ASH2L: variants seen among roughly 807,000 people sequenced by gnomAD.
ASH2L encodes the protein set1/Ash2 histone methyltransferase complex subunit ASH2.
In ASH2L, 30 loss-of-function variants were observed where a neutral mutation model predicts 81.1. The observed-to-expected ratio is 0.37, with a 90% CI of 0.28 to 0.50. The LOEUF (loss-of-function observed/expected upper bound fraction) is 0.50, where lower values mean the gene tolerates loss of function less well. Among genes scored for constraint, ASH2L ranks in the 20% least tolerant of loss-of-function variants. ASH2L has a pLI of 0.95. For synonymous variants in ASH2L, 273 were observed against 279.9 expected (o/e 0.98, Z 0.24); for missense variants, 559 against 792.1 (o/e 0.71, Z 3.53).
chr8:38,138,264 A>T (rs1802347949), intron 14 of ASH2L: 1 of 153,780 alleles, frequency 6.5e-6, no homozygotes, highest in Non-Finnish European at 1.4e-5. Flanking sequence ...TGGACAACAG[A>T]GTCAGAGCCT....
Position 38,133,461 on chromosome 8 carries a change from TA to T in ASH2L, c.1539del (p.Lys513AsnfsTer21). 2.5e-6 allele frequency: 4 copies of T among 1,604,418 alleles called. No individual in the cohort carries two copies. The highest frequency in any genetic ancestry group is 3.4e-6 in the Non-Finnish European group (4 of 1,178,450). Reference sequence around the variant, plus strand: ...TCTTTCTTGGTTTTCAAGGCTTTGATAAAATTCAAGAGTTATTTGTATTTTG... The same window carrying T: ...TCTTTCTTGGTTTTCAAGGCTTTGATAAATTCAAGAGTTATTTGTATTTTG... ...LPDTYKDKAL[I>X]KFKSYLYFEE... On this transcript the variant is annotated frameshift_variant, in exon 13 of 16. Transcript: ENST00000343823. LOFTEE classifies it high-confidence loss of function.
At position 38,139,553 on chromosome 8, in the gene ASH2L, T is replaced by C. The variant is rs865955204; in HGVS notation, c.*482T>C. Reference sequence around the variant, plus strand: ...CAATCTAAACGCTATTTCCTTTTGGTGTGGGTTTGGTTTTGTTCATTTTGA... The same window carrying C: ...CAATCTAAACGCTATTTCCTTTTGGCGTGGGTTTGGTTTTGTTCATTTTGA... On this transcript the variant is annotated 3_prime_UTR_variant, in exon 16 of 16. Transcript: ENST00000343823. 1 of 152,994 alleles carries C rather than the reference T, an allele frequency of 6.5e-6. No individual in the cohort carries two copies. Among genetic ancestry groups the C allele is most frequent in the Non-Finnish European group, 1.5e-5 (1 of 68,350 alleles). The allele number at this position is 152,994 out of a possible 1,614,324, so 9.5% of individuals were successfully genotyped here. A position where few individuals can be genotyped will look rare whatever the true frequency, so the allele number is the denominator to read the frequency against.
chr8:38,128,782 A>G lies in ASH2L; in HGVS notation c.1358A>G (p.Tyr453Cys). Residue 453 changes from tyrosine (Y) to cysteine (C), a missense_variant, in exon 12 of 16, where the codon TAT (tyrosine) becomes TGT (cysteine). Transcript: ENST00000343823. ...PLGNLQAPLGYDKFSYSWRSK... is the reference protein window; with the variant it reads ...PLGNLQAPLGCDKFSYSWRSK... ...GGAAACCTTCAAGCTCCTTTAGGTTATGATAAATTTAGCTATTCTTGGCGG... is the reference window on the plus strand; with the variant it reads ...GGAAACCTTCAAGCTCCTTTAGGTTGTGATAAATTTAGCTATTCTTGGCGG... 1 of 1,613,904 alleles carries G rather than the reference A, an allele frequency of 6.2e-7. No homozygotes were observed. The highest frequency in any genetic ancestry group is 8.5e-7 in the Non-Finnish European group (1 of 1,179,962).
At chr8:38,134,119 G>A (rs1455285453) in intron 13 of ASH2L, among the ~76,000 whole-genome samples, 1 of 152,142 alleles carries the variant, frequency 6.6e-6, no homozygotes, top group Non-Finnish European at 1.5e-5. Context: ...GATGCTTGAA[G>A]GCAGCATGCT....
At position 38,114,313 on chromosome 8, in the gene ASH2L, T is replaced by A. The variant is rs748895376; in HGVS notation, c.681+26T>A. 7 of 1,396,652 alleles carry A rather than the reference T, an allele frequency of 5.0e-6. No homozygotes were observed. The South Asian group carries it at 8.7e-5, about 17-fold the overall frequency. The allele number at this position is 1,396,652 out of a possible 1,614,324, so 86.5% of individuals were successfully genotyped here. A position where few individuals can be genotyped will look rare whatever the true frequency, so the allele number is the denominator to read the frequency against. On this transcript the variant is annotated intron_variant, in intron 6 of 15. Coordinates refer to ENST00000343823, the MANE Select transcript of ASH2L (RefSeq NM_004674.5). ...GTAAGTAGATTAAAATTGATTAGAC[T>A]TGACATTTAAAAAACCATTGTTTTT...
At chr8:38,107,597 A>G (rs760198338) in intron 3 of ASH2L, among the ~76,000 whole-genome samples, 2 of 151,706 alleles carry the variant, frequency 1.3e-5, no homozygotes, top group Non-Finnish European at 2.9e-5. Context: ...ATTGCTGCTG[A>G]CTCACTCCTT....
At chr8:38,131,626 A>G (rs957684042) in intron 12 of ASH2L, among the ~76,000 whole-genome samples, 1 of 152,206 alleles carries the variant, frequency 6.6e-6, no homozygotes, top group Non-Finnish European at 1.5e-5. Flanking sequence ...AGACTGGGCG[A>G]CAGAGAGCAA....
chr8:38,118,773 G>A (rs1811012820), intron 8 of ASH2L, among the ~76,000 whole-genome samples: 1 of 152,218 alleles, frequency 6.6e-6, no homozygotes, highest in Non-Finnish European at 1.5e-5. Flanking sequence ...CAATGCTTTA[G>A]CAGATACTGT....
chr8:38,107,383 G>A lies in ASH2L; in HGVS notation c.401+217G>A, dbSNP rs535820418. Among the ~76,000 whole-genome samples, 16 of 152,192 alleles carry A rather than the reference G, an allele frequency of 1.1e-4. No individual in the cohort carries two copies. The South Asian group carries it at 3.3e-3, about 32-fold the overall frequency. On this transcript the variant is annotated intron_variant, in intron 3 of 15. Coordinates refer to ENST00000343823, the MANE Select transcript of ASH2L (RefSeq NM_004674.5). ...TCTGGTAGATACAATGGTGGGTATT[G>A]CCCCTCCTTTTGAGTTGACAACCTG...
Position 38,107,069 on chromosome 8 carries a change from G to C in ASH2L, c.304G>C (p.Val102Leu). ...SEVMDTQAGSVDEENGRQLGE... is the reference protein window; with the variant it reads ...SEVMDTQAGSLDEENGRQLGE... ...GGTGATGGATACTCAGGCGGGCTCC[G>C]TGGATGAAGAGAATGGCCGACAGTT... The change falls in exon 3 of 16, where the codon GTG (valine) becomes CTG (leucine). Residue 102 changes from valine to leucine, a missense_variant. Val to Leu is a conservative substitution (Grantham distance 32). Around this residue, in one of 4 missense-constraint regions of ASH2L, gnomAD observed 318 missense variants for 527.0 expected, o/e 0.60. Coordinates refer to ENST00000343823, the MANE Select transcript of ASH2L (RefSeq NM_004674.5). 1.2e-6 allele frequency: 2 copies of C among 1,614,122 alleles called. No individual in the cohort carries two copies. The highest frequency in any genetic ancestry group is 1.3e-5 in the African/African-American group (1 of 75,056).
intron 14 of ASH2L, chr8:38,138,186 G>A (rs1442505186): frequency 6.6e-6 from 1 of 152,218 alleles, no homozygotes; most frequent in African/African-American, 2.4e-5. Flanking sequence ...AAGCTGAGGT[G>A]GGAGGATCCC....
At chr8:38,106,984 A>G (rs746116048) in intron 2 of ASH2L, 37 bp from the exon 3 acceptor site, 1 of 1,611,578 alleles carries the variant, frequency 6.2e-7, no homozygotes, top group South Asian at 1.1e-5. Context: ...AATACATTCA[A>G]GTCAACTGAT....
chr8:38,134,228 G>A (rs913120215), intron 13 of ASH2L, among the ~76,000 whole-genome samples: 1 of 151,456 alleles, frequency 6.6e-6, no homozygotes, highest in African/African-American at 2.4e-5. Flanking sequence ...AGAGACCTTT[G>A]TTCACTTGTT....
chr8:38,132,552 A>G (rs1273757973), intron 12 of ASH2L, among the ~76,000 whole-genome samples: 1 of 152,168 alleles, frequency 6.6e-6, no homozygotes, highest in Non-Finnish European at 1.5e-5. Flanking sequence ...TAATCCCAGC[A>G]CTTTGGGAGG....
At chr8:38,126,216 CAAAAG>C (rs1041694793) in intron 10 of ASH2L, among the ~76,000 whole-genome samples, 2 of 148,662 alleles carry the variant, frequency 1.3e-5, no homozygotes, top group African/African-American at 4.9e-5. Flanking sequence ...AAAAAAAAAA[CAAAAG>C]AAAACACCAG....
chr8:38,121,878 T>C (rs1801644033), intron 10 of ASH2L, among the ~76,000 whole-genome samples: 1 of 152,208 alleles, frequency 6.6e-6, no homozygotes, highest in Non-Finnish European at 1.5e-5. Context: ...CTTTCTCCAC[T>C]GTAAAAAACT....
chr8:38,128,286 C>T lies in ASH2L; in HGVS notation c.1166-5C>T, dbSNP rs189575284. 5.7e-3 allele frequency: 9,215 copies of T among 1,614,002 alleles called. 34 individuals carry two copies. Among genetic ancestry groups the T allele is most frequent in the Non-Finnish European group, 7.0e-3 (8,245 of 1,180,002 alleles). ...CAGGCCTTCTTTTAATCTCTGTCAC[C>T]GCAGCTCCCCAGTTAAAGATCTCAG... is the stretch of plus-strand genomic sequence containing the variant. On this transcript the variant is annotated splice_polypyrimidine_tract_variant and splice_region_variant and intron_variant, in intron 10 of 15. Coordinates refer to ENST00000343823, the MANE Select transcript of ASH2L (RefSeq NM_004674.5).
At position 38,110,263 on chromosome 8, in the gene ASH2L, G is replaced by C. The variant is rs77770079; in HGVS notation, c.402-116G>C. On this transcript the variant is annotated intron_variant, in intron 3 of 15. Transcript: ENST00000343823. ...GAACGTCAAGTCTGCAGTGAGCTAT[G>C]ATTGCACCACTGCACTCCAGCCTGA... 1.3e-3 allele frequency: 1,026 copies of C among 775,882 alleles called. 18 individuals are homozygous for C. The African/African-American group carries it at 0.015, about 11-fold the overall frequency. The allele number at this position is 775,882 out of a possible 1,614,324, so 48.1% of individuals were successfully genotyped here. A position where few individuals can be genotyped will look rare whatever the true frequency, so the allele number is the denominator to read the frequency against.
intron 10 of ASH2L, among the ~76,000 whole-genome samples, chr8:38,125,539 C>T (rs143263125): frequency 4.8e-4 from 72 of 150,666 alleles, no homozygotes; most frequent in Non-Finnish European, 8.7e-4. Context: ...ACCTGGGAGG[C>T]GGAGGTTGCA....
Sources: gnomAD v4.1 joint callset for allele counts (sites outside exome capture counted in the v4.1 genomes callset) on GRCh38, gnomAD v4.1.1 for gene constraint, gnomAD v4.1.1 regional missense constraint, MANE v1.5 for transcripts, NCBI Gene and HGNC (gene_info 2026-07-23, HGNC 2026-07-21) for gene names.